PRRC2B: variants seen among roughly 807,000 people sequenced by gnomAD.
The protein encoded by PRRC2B is protein PRRC2B.
In PRRC2B, 68 loss-of-function variants were observed where a neutral mutation model predicts 242.3. That is an observed-to-expected ratio of 0.28 (90% CI 0.23 to 0.34). PRRC2B has a LOEUF of 0.34. Among genes scored for constraint, PRRC2B ranks in the 10% least tolerant of loss-of-function variants. The pLI is 1.00. For synonymous variants in PRRC2B, 1,228 were observed against 1,173.6 expected (o/e 1.05, Z -0.95); for missense variants, 2,835 against 2,954.8 (o/e 0.96, Z 0.94).
In PRRC2B at chr9:131,487,368, T is replaced by C; in HGVS notation, c.5984+74T>C. On this transcript the variant is annotated intron_variant, in intron 27 of 31. Transcript: ENST00000683519. This position sits in a 1 kb window ranked among gnomAD's most constrained non-coding sequence, Gnocchi z 5.3. ...TTGGCCCTGTGTGCAGCCTTCGTCCTGCAGCTGTTTGGTGCTTGTCTGCTT... is the reference window on the plus strand; with the variant it reads ...TTGGCCCTGTGTGCAGCCTTCGTCCCGCAGCTGTTTGGTGCTTGTCTGCTT... The C allele has an allele frequency of 2.4e-6, 3 of 1,268,942 alleles. No individual in the cohort carries two copies. The highest frequency in any genetic ancestry group is 3.1e-6 in the Non-Finnish European group (3 of 959,990). 78.6% of individuals were successfully genotyped at this position (1,268,942 alleles called of 1,614,324 possible). A position where few individuals can be genotyped will look rare whatever the true frequency, so the allele number is the denominator to read the frequency against.
chr9:131,481,676 C>T, intron 19 of PRRC2B, 50 bp from the exon 20 acceptor site: 1 of 1,419,984 alleles, frequency 7.0e-7, no homozygotes, highest in South Asian at 1.2e-5. Context: ...CATAAACTCT[C>T]TAGACGGGTT....
At chr9:131,430,405 A>C (rs2131322771) in intron 2 of PRRC2B, 146 bp downstream of exon 2, 1 of 551,050 alleles carries the variant, frequency 1.8e-6, no homozygotes, top group Non-Finnish European at 3.2e-6. Flanking sequence ...TCTACTTCCT[A>C]CTTGAGGTAT....
Position 131,497,468 on chromosome 9 carries a change from G to A in PRRC2B, c.*1594G>A, listed in dbSNP as rs1299981890. The A allele has an allele frequency of 1.3e-5, 2 of 152,284 alleles. No individual in the cohort carries two copies. The highest frequency in any genetic ancestry group is 2.9e-5 in the Non-Finnish European group (2 of 68,104). The allele number at this position is 152,284 out of a possible 1,614,324, so 9.4% of individuals were successfully genotyped here. On this transcript the variant is annotated 3_prime_UTR_variant, in exon 32 of 32. Transcript: ENST00000683519. ...AGGCTGGCTCAGAACACCTAGAGGAGGGGGCCGGGGATGCACCCCCCACCA... is the reference window on the plus strand; with the variant it reads ...AGGCTGGCTCAGAACACCTAGAGGAAGGGGCCGGGGATGCACCCCCCACCA...
chr9:131,406,758 G>C (rs977090569), intron 1 of PRRC2B, among the ~76,000 whole-genome samples: 6 of 152,018 alleles, frequency 3.9e-5, no homozygotes, highest in African/African-American at 1.4e-4. Context: ...TCAGTTCACC[G>C]AGATCTTAAA....
chr9:131,376,431 A>G (rs1365105607), intron 1 of PRRC2B, among the ~76,000 whole-genome samples: 2 of 151,984 alleles, frequency 1.3e-5, no homozygotes, highest in African/African-American at 4.8e-5. Flanking sequence ...GTAGAGTCTC[A>G]GTAAACAGTA....
At chr9:131,444,379 T>C in intron 6 of PRRC2B, 51 bp downstream of exon 6, 1 of 1,575,880 alleles carries the variant, frequency 6.3e-7, no homozygotes, top group Non-Finnish European at 8.6e-7. Context: ...AACTTCCTCC[T>C]CTCATCTCTC....
chr9:131,390,105 G>A (rs1001901206), upstream of PRRC2B, among the ~76,000 whole-genome samples: 8 of 149,680 alleles, frequency 5.3e-5, no homozygotes, highest in African/African-American at 1.7e-4. Flanking sequence ...GGTAGAGACA[G>A]GGTTTCACCG....
chr9:131,479,918 CTT>C (rs897932897), intron 19 of PRRC2B, among the ~76,000 whole-genome samples: 1 of 148,328 alleles, frequency 6.7e-6, no homozygotes, highest in Non-Finnish European at 1.5e-5. Context: ...GCCCTGAAAA[CTT>C]TTTTTTTTTA....
intron 1 of PRRC2B, among the ~76,000 whole-genome samples, chr9:131,420,499 T>TCTTTCTCTTTCTTTCTTTC (rs889470295): frequency 2.4e-5 from 2 of 84,494 alleles, no homozygotes; most frequent in African/African-American, 8.9e-5. Context: ...CTTTCTTTTT[T>TCTTTCTCTTTCTTTCTTTC]TTTTTTTTTT....
At chr9:131,467,878 C>A in intron 13 of PRRC2B, 125 bp downstream of exon 13, 1 of 945,820 alleles carries the variant, frequency 1.1e-6, no homozygotes, top group African/African-American at 1.6e-5. Flanking sequence ...TTATGTGCCC[C>A]CAAGACCAGT....
In PRRC2B at chr9:131,474,918, C is replaced by T. The variant is rs180814066; in HGVS notation, c.2789C>T (p.Pro930Leu). The stretch of plus-strand genomic sequence containing the variant: ...CCCCGGAGCTCCAGCAGCCAGCACC[C>T]GGAGCAGACGGGCAGGACCCGGAGG... ...PEPRSSSSQHPEQTGRTRRSG... is the reference protein window; with the variant it reads ...PEPRSSSSQHLEQTGRTRRSG... The change falls in exon 16 of 32, where the codon CCG becomes CTG. Residue 930 changes from proline (P) to leucine (L), a missense_variant. Around this residue, in one of 7 missense-constraint regions of PRRC2B, gnomAD observed 1,536 missense variants for 1,483.1 expected, o/e 1.04. Coordinates refer to ENST00000683519, the MANE Select transcript of PRRC2B (RefSeq NM_013318.4). 336 of 1,594,202 alleles carry T rather than the reference C, an allele frequency of 2.1e-4. 1 individual carries two copies. The African/African-American group carries it at 3.6e-3, about 17-fold the overall frequency.
chr9:131,473,487 A>T (rs2131442526), intron 14 of PRRC2B, 21 bp from the exon 15 acceptor site: 1 of 1,551,234 alleles, frequency 6.4e-7, no homozygotes, highest in Admixed American at 1.9e-5. Flanking sequence ...GATGATGTAG[A>T]TCAGTCTTTG....
intron 23 of PRRC2B, among the ~76,000 whole-genome samples, chr9:131,484,269 G>C (rs1008598841): frequency 6.6e-6 from 1 of 152,208 alleles, no homozygotes; most frequent in South Asian, 2.1e-4. Flanking sequence ...CCAGGTGGCA[G>C]GTGCCTTCTG....
intron 1 of PRRC2B, among the ~76,000 whole-genome samples, chr9:131,419,905 A>G (rs184734312): frequency 1.2e-3 from 181 of 151,810 alleles, no homozygotes; most frequent in African/African-American, 4.3e-3. Flanking sequence ...AAGGTGTGTG[A>G]GCAGGTGCTC....
chr9:131,467,833 C>A lies in PRRC2B; in HGVS notation c.1911+80C>A. ...ATGTTTCCCCTCCTCGTCCCCATGCCCCACCTCCAACTTAGAAAAAGGCCA... is the reference window on the plus strand; with the variant it reads ...ATGTTTCCCCTCCTCGTCCCCATGCACCACCTCCAACTTAGAAAAAGGCCA... On this transcript the variant is annotated intron_variant, in intron 13 of 31. Transcript: ENST00000683519. The A allele has an allele frequency of 2.8e-6, 4 of 1,428,596 alleles. No homozygotes were observed. The South Asian group carries it at 5.1e-5, about 18-fold the overall frequency. 88.5% of individuals were successfully genotyped at this position (1,428,596 alleles called of 1,614,324 possible).
chr9:131,467,816 C>T, intron 13 of PRRC2B, 63 bp downstream of exon 13: 1 of 1,528,006 alleles, frequency 6.5e-7, no homozygotes, highest in Non-Finnish European at 9.0e-7. Flanking sequence ...AGATGTTTCC[C>T]CTCCTCGTCC....
chr9:131,416,669 C>A (rs529411228), intron 1 of PRRC2B, among the ~76,000 whole-genome samples: 1 of 151,950 alleles, frequency 6.6e-6, no homozygotes, highest in Admixed American at 6.6e-5. Context: ...ATCATGTCCC[C>A]ATAGTTTCCA....
At position 131,482,981 on chromosome 9, in the gene PRRC2B, G is replaced by T; in HGVS notation, c.5373+74G>T. The T allele has an allele frequency of 6.6e-7, 1 of 1,504,130 alleles. No individual in the cohort carries two copies. The highest frequency in any genetic ancestry group is 9.0e-7 in the Non-Finnish European group (1 of 1,106,926). 93.2% of individuals were successfully genotyped at this position (1,504,130 alleles called of 1,614,324 possible). On this transcript the variant is annotated intron_variant, in intron 22 of 31. Coordinates refer to ENST00000683519, the MANE Select transcript of PRRC2B (RefSeq NM_013318.4). This position sits in a 1 kb window ranked among gnomAD's most constrained non-coding sequence, Gnocchi z 5.2. ...GGTACTTGGAGAGGCTGGGGGCTCAGATGGGATTGTCTCCTAGAAGGAATA... is the reference window on the plus strand; with the variant it reads ...GGTACTTGGAGAGGCTGGGGGCTCATATGGGATTGTCTCCTAGAAGGAATA...
intron 9 of PRRC2B, 49 bp downstream of exon 9, chr9:131,447,853 A>C (rs2994064): frequency 1 from 1,568,821 of 1,575,088 alleles, 781,483 homozygotes; most frequent in East Asian, 1. Context: ...CAAAGTCCAT[A>C]TGTACTTACC....
Sources: allele counts gnomAD v4.1 joint callset (sites outside exome capture counted in the v4.1 genomes callset), GRCh38; gene constraint gnomAD v4.1.1; regional missense constraint gnomAD v4.1.1; non-coding constraint Gnocchi (gnomAD v3.1); transcripts MANE v1.5; gene names NCBI Gene and HGNC (gene_info 2026-07-23, HGNC 2026-07-21).